The following HEBP1 variants were observed in gnomAD, a reference collection of about 807,000 sequenced individuals.
The protein encoded by HEBP1 is heme binding protein 1, also known as heme-binding protein 1.
A neutral mutation model predicts 20.4 loss-of-function variants in HEBP1; 13 were observed. The observed-to-expected ratio is 0.64, with a 90% CI of 0.42 to 1.01. The LOEUF (loss-of-function observed/expected upper bound fraction) is 1.01, where lower values mean the gene tolerates loss of function less well. Among genes scored for constraint, HEBP1 ranks in the 50% least tolerant of loss-of-function variants. The probability of loss-of-function intolerance (pLI) is 0.00; values close to 1 mark genes in which losing one functional copy is unlikely to be tolerated. For synonymous variants in HEBP1, 92 were observed against 90.7 expected, an observed-to-expected ratio of 1.01 and a Z score of -0.08; for missense variants, 241 against 247.3, an observed-to-expected ratio of 0.97 and a Z score of 0.17.
At chr12:12,993,486 C>CCTCT (rs113869518) in intron 1 of HEBP1, among the ~76,000 whole-genome samples, 202 of 134,898 alleles carry the variant, frequency 1.5e-3, no homozygotes, top group South Asian at 4.8e-3. Context: ...TTTTTCTTTT[C>CCTCT]CTCTCTCTCT....
intron 3 of HEBP1, chr12:12,985,614 T>C (rs1864142572): frequency 6.6e-6 from 1 of 152,100 alleles, no homozygotes. Flanking sequence ...TCATTCCTTA[T>C]GAAATAAGAA....
chr12:12,976,206 T>A (rs906497916), intron 3 of HEBP1, among the ~76,000 whole-genome samples: 2 of 150,458 alleles, frequency 1.3e-5, no homozygotes, highest in Non-Finnish European at 3.0e-5. Context: ...ATGCCCCAAA[T>A]AAAGAAATCA....
At position 12,991,041 on chromosome 12, in the gene HEBP1, C is replaced by A. The variant is rs186981119; in HGVS notation, c.79-1626G>T. On this transcript the variant is annotated intron_variant, in intron 1 of 3. Coordinates refer to ENST00000014930, the MANE Select transcript of HEBP1 (RefSeq NM_015987.5). ...CTGCCAAATTATCTTTAAAAACTCT[C>A]ATCCCTGAATGCTCAGGGAGACTGA... 5.8e-4 allele frequency among the ~76,000 whole-genome samples: 89 copies of A among 152,300 alleles called. No homozygotes were observed. The East Asian group carries it at 0.016, about 28-fold the overall frequency.
chr12:12,989,208 C>T, intron 2 of HEBP1, 69 bp downstream of exon 2: 10 of 1,548,620 alleles, frequency 6.5e-6, no homozygotes, highest in Non-Finnish European at 8.9e-6. Flanking sequence ...CTTGCATTTA[C>T]CACTGATGAA....
chr12:12,986,930 T>A lies in HEBP1; in HGVS notation c.398+222A>T. ...TTAAGCAAAGCTTAAGCTCGTCCCA[T>A]CAATTTGGCAACTGGCCAAGGCATT... On this transcript the variant is annotated intron_variant, in intron 3 of 3. Transcript: ENST00000014930. The surrounding 1 kb of genome is among the most constrained non-coding windows in gnomAD (Gnocchi z 4.3). 2 of 519,818 alleles carry A rather than the reference T, an allele frequency of 3.8e-6. No homozygotes were observed. Among genetic ancestry groups the A allele is most frequent in the Non-Finnish European group, 6.9e-6 (2 of 291,876 alleles). 32.2% of individuals were successfully genotyped at this position (519,818 alleles called of 1,614,324 possible).
chr12:12,975,683 C>A (rs1863971503), intron 3 of HEBP1, among the ~76,000 whole-genome samples: 1 of 152,092 alleles, frequency 6.6e-6, no homozygotes, highest in African/African-American at 2.4e-5. Context: ...GATATATTTT[C>A]TTTTTCCTCT....
At chr12:12,977,275 G>C (rs1864002207) in intron 3 of HEBP1, 1 of 152,242 alleles carries the variant, frequency 6.6e-6, no homozygotes, top group Non-Finnish European at 1.5e-5. Flanking sequence ...AAGGAGAAAA[G>C]ACTATGCAAA....
chr12:12,990,410 T>A (rs1197773814), intron 1 of HEBP1, among the ~76,000 whole-genome samples: 2 of 151,646 alleles, frequency 1.3e-5, no homozygotes, highest in Non-Finnish European at 2.9e-5. Flanking sequence ...ACTCCTGGGC[T>A]CAAGCAATCC....
At chr12:12,987,864 T>C (rs759403946) in intron 2 of HEBP1, among the ~76,000 whole-genome samples, 1 of 152,114 alleles carries the variant, frequency 6.6e-6, no homozygotes, top group Admixed American at 6.6e-5. Flanking sequence ...CTTAAACTCC[T>C]ACCTCAAGTG....
At chr12:12,999,928 C>T (rs1414834588) in intron 1 of HEBP1, 109 bp downstream of exon 1, 2 of 627,106 alleles carry the variant, frequency 3.2e-6, no homozygotes, top group East Asian at 6.4e-5. Context: ...AACGCACCTT[C>T]GATAGCACAT....
rs556216133 is a variant in HEBP1, at chr12:12,996,418, C to T, written c.78+3619G>A. Among the ~76,000 whole-genome samples, 1 of 152,332 alleles carries T rather than the reference C, an allele frequency of 6.6e-6. No homozygotes were observed. Among genetic ancestry groups the T allele is most frequent in the East Asian group, 1.9e-4 (1 of 5,184 alleles). On this transcript the variant is annotated intron_variant, in intron 1 of 3. Transcript: ENST00000014930. The surrounding 1 kb of genome is among the most constrained non-coding windows in gnomAD (Gnocchi z 4.1). Reference sequence around the variant, plus strand: ...CTGTCTACCCTCCTCCCTCCCTGAGCAATTAAGAAGGCACCTGATAAGGTC... The same window carrying T: ...CTGTCTACCCTCCTCCCTCCCTGAGTAATTAAGAAGGCACCTGATAAGGTC...
chr12:12,975,500 G>T, intron 3 of HEBP1, 21 bp from the exon 4 acceptor site: 1 of 1,591,878 alleles, frequency 6.3e-7, no homozygotes, highest in Non-Finnish European at 8.5e-7. Context: ...AAGAGCAAGG[G>T]CTGGTTACGA....
intron 3 of HEBP1, among the ~76,000 whole-genome samples, chr12:12,981,266 G>T (rs1027608637): frequency 1.3e-5 from 2 of 152,194 alleles, no homozygotes; most frequent in Non-Finnish European, 2.9e-5. Flanking sequence ...GGAAATCTGC[G>T]TTGTGTTTTG....
intron 2 of HEBP1, among the ~76,000 whole-genome samples, chr12:12,987,584 GTCTCTTTCTCTCTCTCTCTCTC>G (rs1046555206): frequency 2.8e-5 from 3 of 105,648 alleles, no homozygotes; most frequent in African/African-American, 9.7e-5. Flanking sequence ...TAGATTATCA[GTCTCTTTCTCTCTCTCTCTCTC>G]TCTCTTTCTC....
rs79600479 is a variant in HEBP1 at position 12,999,111 on chromosome 12, A to G, written c.78+926T>C. ...TCTGTGCTCCCTGCGTAGCGCATTT[A>G]TATCTATTCTGCACAGATCTTGTTC... is the stretch of plus-strand genomic sequence containing the variant. On this transcript the variant is annotated intron_variant, in intron 1 of 3. Transcript: ENST00000014930. 6.5e-3 allele frequency among the ~76,000 whole-genome samples: 994 copies of G among 152,326 alleles called. 4 individuals carry two copies. Among genetic ancestry groups the G allele is most frequent in the Non-Finnish European group, 0.011 (724 of 68,034 alleles).
At chr12:12,992,939 A>T (rs1472666353) in intron 1 of HEBP1, among the ~76,000 whole-genome samples, 1 of 152,210 alleles carries the variant, frequency 6.6e-6, no homozygotes, top group African/African-American at 2.4e-5. Context: ...GCTCAAAGTG[A>T]TGTAACTACT....
At chr12:12,976,937 C>A (rs887084441) in intron 3 of HEBP1, among the ~76,000 whole-genome samples, 2 of 152,116 alleles carry the variant, frequency 1.3e-5, no homozygotes, top group African/African-American at 4.8e-5. Flanking sequence ...GTTGGAGAAC[C>A]ATTTGTCTGA....
chr12:12,990,151 A>AC, intron 1 of HEBP1, among the ~76,000 whole-genome samples: 2 of 46,252 alleles, frequency 4.3e-5, no homozygotes, highest in African/African-American at 1.1e-4. Context: ...CACACACACA[A>AC]ACACACACAC....
chr12:12,985,855 G>A (rs1325953257), intron 3 of HEBP1: 1 of 152,126 alleles, frequency 6.6e-6, no homozygotes, highest in Admixed American at 6.6e-5. Flanking sequence ...CTGCTAGTAA[G>A]CAGTAGAGCT....
Sources: gnomAD v4.1 joint callset for allele counts (sites outside exome capture counted in the v4.1 genomes callset) on GRCh38, gnomAD v4.1.1 for gene constraint, Gnocchi (gnomAD v3.1) non-coding constraint, MANE v1.5 for transcripts, NCBI Gene and HGNC (gene_info 2026-07-23, HGNC 2026-07-21) for gene names.